The following TMEM132D variants were observed in gnomAD, a reference collection of about 807,000 sequenced individuals.
TMEM132D encodes the protein transmembrane protein 132D, also known as mature OL transmembrane protein.
Under a neutral mutation model 62.3 loss-of-function variants are expected in TMEM132D, and 21 were observed. The ratio of observed to expected loss-of-function variants is 0.34; its 90% CI spans 0.24 to 0.49. The LOEUF is 0.49. Among genes scored for constraint, TMEM132D ranks in the 20% least tolerant of loss-of-function variants. The pLI, the probability that TMEM132D is intolerant of heterozygous loss-of-function variation, is 0.99. For missense variants in TMEM132D, 1,346 were observed against 1,402.8 expected, an observed-to-expected ratio of 0.96 and a Z score of 0.65; for synonymous variants, 621 against 575.6, an observed-to-expected ratio of 1.08 and a Z score of -1.13.
Position 129,371,722 on chromosome 12 carries a change from T to C in TMEM132D, c.1116-33905A>G, listed in dbSNP as rs1281603073. ...GTGATGATAGTGATGGTGATGATGA[T>C]GGGGTGTTTAGAACTGGAAAACATG... On this transcript the variant is annotated intron_variant, in intron 3 of 8. Transcript: ENST00000422113. This position sits in a 1 kb window ranked among gnomAD's most constrained non-coding sequence, Gnocchi z 4.3. Among the ~76,000 whole-genome samples the C allele has an allele frequency of 1.3e-5, 2 of 152,022 alleles. No homozygotes were observed. Among genetic ancestry groups the C allele is most frequent in the African/African-American group, 4.8e-5 (2 of 41,362 alleles).
chr12:129,473,330 T>TTG (rs1555259221), intron 3 of TMEM132D, among the ~76,000 whole-genome samples: 3 of 130,448 alleles, frequency 2.3e-5, no homozygotes, highest in Admixed American at 7.5e-5. Flanking sequence ...TTTTGTTTTT[T>TTG]TTTTTTTTTT....
At chr12:129,865,158 G>A (rs1874018437) in intron 1 of TMEM132D, among the ~76,000 whole-genome samples, 1 of 152,228 alleles carries the variant, frequency 6.6e-6, no homozygotes, top group African/African-American at 2.4e-5. Flanking sequence ...AGCAGGCTGG[G>A]TGGAGGCGAC....
chr12:129,259,739 G>A (rs1880503990), intron 4 of TMEM132D, among the ~76,000 whole-genome samples: 1 of 152,068 alleles, frequency 6.6e-6, no homozygotes. Flanking sequence ...GGATAGATTT[G>A]GGAACCATTT....
intron 2 of TMEM132D, among the ~76,000 whole-genome samples, chr12:129,554,554 C>T (rs1876998432): frequency 6.6e-6 from 1 of 152,124 alleles, no homozygotes; most frequent in Non-Finnish European, 1.5e-5. Context: ...CATGAACAGC[C>T]ATGTGATTTT....
intron 3 of TMEM132D, among the ~76,000 whole-genome samples, chr12:129,350,175 A>T (rs1205990600): frequency 6.6e-6 from 1 of 152,230 alleles, no homozygotes; most frequent in East Asian, 1.9e-4. Context: ...CTACAGATTT[A>T]TGTGATCAAC....
chr12:129,099,211 T>C (rs898319653), intron 5 of TMEM132D, among the ~76,000 whole-genome samples: 3 of 152,226 alleles, frequency 2.0e-5, no homozygotes, highest in Non-Finnish European at 4.4e-5. Context: ...CCCATCTTCC[T>C]TTCCCCTAAG....
intron 5 of TMEM132D, 146 bp from the exon 6 acceptor site, chr12:129,084,848 G>T: frequency 1.5e-6 from 1 of 672,606 alleles, no homozygotes; most frequent in Non-Finnish European, 2.5e-6. Context: ...TCCTGGTATG[G>T]AGCAGACATT....
intron 5 of TMEM132D, among the ~76,000 whole-genome samples, chr12:129,187,903 A>T (rs1029062861): frequency 6.6e-6 from 1 of 152,230 alleles, no homozygotes; most frequent in East Asian, 1.9e-4. Context: ...ATCCTGTATT[A>T]TTACTTACTA....
intron 2 of TMEM132D, among the ~76,000 whole-genome samples, chr12:129,646,724 C>T (rs1879788016): frequency 6.6e-6 from 1 of 151,508 alleles, no homozygotes; most frequent in African/African-American, 2.4e-5. Context: ...ACAATATGTG[C>T]AAATGTGTGT....
chr12:129,802,828 A>G (rs1269695141), intron 1 of TMEM132D, among the ~76,000 whole-genome samples: 2 of 151,604 alleles, frequency 1.3e-5, no homozygotes, highest in East Asian at 3.9e-4. Context: ...GGCTCAAAAT[A>G]AAAGGATGGA....
At chr12:129,512,740 C>A (rs1036025624) in intron 3 of TMEM132D, among the ~76,000 whole-genome samples, 11 of 152,192 alleles carry the variant, frequency 7.2e-5, no homozygotes, top group Non-Finnish European at 1.5e-4. Flanking sequence ...CAGTCCATCC[C>A]CATATGGGCT....
At chr12:129,476,404 G>A (rs950116849) in intron 3 of TMEM132D, among the ~76,000 whole-genome samples, 4 of 152,078 alleles carry the variant, frequency 2.6e-5, no homozygotes, top group Non-Finnish European at 4.4e-5. Flanking sequence ...ATATCATTGC[G>A]GACCCACTGC....
intron 4 of TMEM132D, among the ~76,000 whole-genome samples, chr12:129,285,398 A>G (rs1881263793): frequency 2.6e-5 from 4 of 151,708 alleles, no homozygotes; most frequent in Admixed American, 6.6e-5. Context: ...ATGGTGGTGC[A>G]TGCCTGTAAT....
In TMEM132D at chr12:129,675,760, A is replaced by G. The variant is rs949857664; in HGVS notation, c.968+24050T>C. On this transcript the variant is annotated intron_variant, in intron 2 of 8. Transcript: ENST00000422113. ...CCAGCAACGCTGCCTAATATCCTAC[A>G]GTGCTCCAAACACACCCACACACAG... is the stretch of plus-strand genomic sequence containing the variant. Among the ~76,000 whole-genome samples the G allele has an allele frequency of 2.6e-5, 4 of 152,148 alleles. No homozygotes were observed. In the East Asian group the frequency reaches 7.7e-4, roughly 29 times the overall value.
At chr12:129,173,516 T>C (rs531426476) in intron 5 of TMEM132D, among the ~76,000 whole-genome samples, 33 of 152,348 alleles carry the variant, frequency 2.2e-4, no homozygotes, top group African/African-American at 7.7e-4. Flanking sequence ...CCTGAGGGAT[T>C]CTTCATCTGA....
At chr12:129,777,365 A>G (rs1209233790) in intron 1 of TMEM132D, among the ~76,000 whole-genome samples, 2 of 152,210 alleles carry the variant, frequency 1.3e-5, no homozygotes, top group African/African-American at 4.8e-5. Flanking sequence ...CGATTAATCC[A>G]AACTTTAAAA....
At chr12:129,379,814 C>T (rs10160939) in intron 3 of TMEM132D, among the ~76,000 whole-genome samples, 34,099 of 152,040 alleles carry the variant, frequency 0.22, 4,077 homozygotes, top group Non-Finnish European at 0.27. Context: ...AGACAATAGT[C>T]GAGAATCCTT....
intron 2 of TMEM132D, among the ~76,000 whole-genome samples, chr12:129,575,663 C>A (rs547483610): frequency 6.6e-6 from 1 of 150,524 alleles, no homozygotes; most frequent in African/African-American, 2.5e-5. Flanking sequence ...TAATGAAAGA[C>A]AAAAATTCCG....
At chr12:129,251,464 C>T (rs1418234093) in intron 4 of TMEM132D, among the ~76,000 whole-genome samples, 1 of 151,614 alleles carries the variant, frequency 6.6e-6, no homozygotes, top group Non-Finnish European at 1.5e-5. Flanking sequence ...ATATCCCTTA[C>T]CCGAGGAAGG....
Sources: gnomAD v4.1 joint callset for allele counts (sites outside exome capture counted in the v4.1 genomes callset) on GRCh38, gnomAD v4.1.1 for gene constraint, Gnocchi (gnomAD v3.1) non-coding constraint, MANE v1.5 for transcripts, NCBI Gene and HGNC (gene_info 2026-07-23, HGNC 2026-07-21) for gene names.